The following CHID1 variants were observed in gnomAD, a reference collection of about 807,000 sequenced individuals.
CHID1 encodes the protein chitinase domain-containing protein 1.
Under a neutral mutation model 55.4 loss-of-function variants are expected in CHID1, and 44 were observed. That is an observed-to-expected ratio of 0.79 (90% CI 0.62 to 1.02). The LOEUF (loss-of-function observed/expected upper bound fraction) is 1.02, where lower values mean the gene tolerates loss of function less well. CHID1 is among the 50% of genes least tolerant of loss of function. The pLI is 0.00. For synonymous variants in CHID1, 216 were observed against 212.9 expected (o/e 1.01, Z -0.13); for missense variants, 491 against 515.3 (o/e 0.95, Z 0.46).
intron 8 of CHID1, among the ~76,000 whole-genome samples, chr11:886,666 G>C (rs1850420340): frequency 6.6e-6 from 1 of 152,228 alleles, no homozygotes; most frequent in Admixed American, 6.5e-5. Flanking sequence ...CAGCAAAAAG[G>C]TGCCGACTGC....
At chr11:884,769 C>T (rs1054717538) in intron 8 of CHID1, among the ~76,000 whole-genome samples, 1 of 152,206 alleles carries the variant, frequency 6.6e-6, no homozygotes, top group African/African-American at 2.4e-5. Flanking sequence ...GGCGCCAGGG[C>T]AGGTGGTCGG....
chr11:883,996 C>T, intron 9 of CHID1, 72 bp downstream of exon 9: 6 of 1,187,994 alleles, frequency 5.1e-6, no homozygotes, highest in Non-Finnish European at 7.5e-6. Context: ...TGCCCAGGAG[C>T]CCCCCAGGTC....
chr11:870,119 A>C lies in CHID1; in HGVS notation c.1083+2T>G. 1 of 1,612,724 alleles carries C rather than the reference A, an allele frequency of 6.2e-7. No homozygotes were observed. Among genetic ancestry groups the C allele is most frequent in the African/African-American group, 1.3e-5 (1 of 74,906 alleles). On this transcript the variant is annotated splice_donor_variant, in intron 12 of 12. Coordinates refer to ENST00000323578, the MANE Select transcript of CHID1 (RefSeq NM_023947.4). LOFTEE classifies it high-confidence loss of function. Reference sequence around the variant, plus strand: ...CGGTCCCACGGCTGGCAGCACACGCACCTTCAGGGTTGGGTAGAAGACGAC... The same window carrying C: ...CGGTCCCACGGCTGGCAGCACACGCCCCTTCAGGGTTGGGTAGAAGACGAC...
intron 2 of CHID1, 94 bp from the exon 3 acceptor site, chr11:903,205 A>G: frequency 1.5e-6 from 2 of 1,320,936 alleles, no homozygotes; most frequent in Non-Finnish European, 2.1e-6. Flanking sequence ...TTCAGCCAGC[A>G]GCCGAGTCTC....
intron 10 of CHID1, among the ~76,000 whole-genome samples, chr11:879,725 CAAA>C (rs886483573): frequency 2.6e-5 from 4 of 152,248 alleles, no homozygotes. Context: ...GTCTCCCTTT[CAAA>C]AGCCCAACCA....
At chr11:914,980 A>G, upstream of CHID1, 1 of 190,712 alleles carries the variant, frequency 5.2e-6, no homozygotes. Context: ...ACTATTGCTG[A>G]CCACGTCCTG....
intron 7 of CHID1, among the ~76,000 whole-genome samples, chr11:898,583 C>A (rs555384527): frequency 5.3e-5 from 8 of 152,252 alleles, no homozygotes; most frequent in Middle Eastern, 3.2e-3. Flanking sequence ...GCGGGGCAGT[C>A]GCCCACTTTG....
intron 1 of CHID1, among the ~76,000 whole-genome samples, chr11:905,151 A>G (rs976643666): frequency 1.3e-5 from 2 of 152,244 alleles, no homozygotes; most frequent in African/African-American, 2.4e-5. Flanking sequence ...GGCCGCCCTG[A>G]CCACCACTGG....
chr11:903,674 G>A (rs912897461), intron 2 of CHID1: 8 of 215,416 alleles, frequency 3.7e-5, no homozygotes, highest in South Asian at 2.0e-4. Flanking sequence ...CCAGCTACTC[G>A]GGAGGCTGAA....
rs755684842 is a variant in CHID1 at position 902,289 on chromosome 11, G to T, written c.303C>A (p.Ser101Arg). The T allele has an allele frequency of 6.2e-7, 1 of 1,613,896 alleles. No individual in the cohort carries two copies. The highest frequency in any genetic ancestry group is 1.7e-5 in the Admixed American group (1 of 60,020). Residue 101 changes from serine to arginine, a missense_variant, in exon 4 of 13, where the codon AGC becomes AGA. Physicochemically the swap from Ser to Arg is moderately radical, Grantham distance 110. Coordinates refer to ENST00000323578, the MANE Select transcript of CHID1 (RefSeq NM_023947.4). ...AGACGGGTGAGATCTGTGTGAACTT[G>T]CTCCCAAAGACCTTGGTGACATCGT... is the stretch of plus-strand genomic sequence containing the variant. ...HGYDVTKVFG[S>R]KFTQISPVWL...
chr11:897,518 G>A (rs2134285718), intron 7 of CHID1, among the ~76,000 whole-genome samples: 1 of 152,336 alleles, frequency 6.6e-6, no homozygotes, highest in South Asian at 2.1e-4. Context: ...CCACGGCTCA[G>A]CAAGAACCCC....
In CHID1 at chr11:870,401, G is replaced by T. The variant is rs114765588; in HGVS notation, c.1040+18C>A. On this transcript the variant is annotated intron_variant, in intron 11 of 12. Coordinates refer to ENST00000323578, the MANE Select transcript of CHID1 (RefSeq NM_023947.4). ...TGCACACAAGGCCAAGGTGGGCCAC[G>T]CACTTCAAAACACTCACTTCTTGTA... 6.3e-7 allele frequency: 1 copy of T among 1,594,248 alleles called. No homozygotes were observed. The highest frequency in any genetic ancestry group is 2.2e-5 in the East Asian group (1 of 44,508).
Position 884,048 on chromosome 11 carries a change from C to T in CHID1, c.803+20G>A. The T allele has an allele frequency of 1.9e-6, 3 of 1,590,874 alleles. No homozygotes were observed. Among genetic ancestry groups the T allele is most frequent in the Non-Finnish European group, 2.6e-6 (3 of 1,159,076 alleles). On this transcript the variant is annotated intron_variant, in intron 9 of 12. Transcript: ENST00000323578. Reference sequence around the variant, plus strand: ...CTGTGGAGTTTGCTGTGCCCAGGAGCCCCCCAAGCCCACACTCACTGATGC... The same window carrying T: ...CTGTGGAGTTTGCTGTGCCCAGGAGTCCCCCAAGCCCACACTCACTGATGC...
At chr11:895,706 C>A (rs1851221650) in intron 7 of CHID1, among the ~76,000 whole-genome samples, 1 of 152,170 alleles carries the variant, frequency 6.6e-6, no homozygotes, top group African/African-American at 2.4e-5. Context: ...GTGCATGGGA[C>A]CGAACCTGCT....
chr11:887,797 A>G (rs975376304), intron 8 of CHID1, among the ~76,000 whole-genome samples: 13 of 151,570 alleles, frequency 8.6e-5, no homozygotes, highest in African/African-American at 2.4e-4. Flanking sequence ...ACGGTGCTGC[A>G]ACGCCCCTGT....
intron 10 of CHID1, among the ~76,000 whole-genome samples, chr11:873,820 A>G (rs1304906662): frequency 1.3e-5 from 2 of 152,228 alleles, no homozygotes; most frequent in East Asian, 1.9e-4. Context: ...GAAATGGTGC[A>G]TTTTATGGTA....
At chr11:879,098 G>A (rs564896942) in intron 10 of CHID1, among the ~76,000 whole-genome samples, 95 of 152,172 alleles carry the variant, frequency 6.2e-4, no homozygotes, top group Non-Finnish European at 1.1e-3. Flanking sequence ...CGCCCACCTC[G>A]GCCTCCCAAA....
chr11:876,658 T>C (rs1279947011), intron 10 of CHID1, among the ~76,000 whole-genome samples: 1 of 152,218 alleles, frequency 6.6e-6, no homozygotes, highest in Non-Finnish European at 1.5e-5. Flanking sequence ...CTCCCTGCTG[T>C]ACCCTTGAGG....
chr11:899,240 TGGAA>T, intron 7 of CHID1, 96 bp downstream of exon 7: 1 of 1,162,654 alleles, frequency 8.6e-7, no homozygotes, highest in Non-Finnish European at 1.2e-6. Flanking sequence ...ACAGGGACTG[TGGAA>T]GGAAGGCCCT....
Sources: gnomAD v4.1 joint callset for allele counts (sites outside exome capture counted in the v4.1 genomes callset) on GRCh38, gnomAD v4.1.1 for gene constraint, MANE v1.5 for transcripts, NCBI Gene and HGNC (gene_info 2026-07-23, HGNC 2026-07-21) for gene names.